The following COLEC12 variants were observed in gnomAD, a reference collection of about 807,000 sequenced individuals.
The protein encoded by COLEC12 is collectin subfamily member 12.
Under a neutral mutation model 71.1 loss-of-function variants are expected in COLEC12, and 33 were observed. That is an observed-to-expected ratio of 0.46 (90% CI 0.35 to 0.62). The LOEUF is 0.62. Ranked by LOEUF, COLEC12 falls within the 20% of genes least tolerant of loss-of-function variation. The pLI, the probability that COLEC12 is intolerant of heterozygous loss-of-function variation, is 0.00. For synonymous variants in COLEC12, 350 were observed against 353.0 expected (o/e 0.99, Z 0.10); for missense variants, 765 against 916.1 (o/e 0.84, Z 2.13).
chr18:357,431 T>C lies in COLEC12; in HGVS notation c.150A>G (p.Leu50=), dbSNP rs1417669021. Residue 50 remains leucine (L), a synonymous_variant, in exon 3 of 10, where the codon CTA becomes CTG. Coordinates refer to ENST00000400256, the MANE Select transcript of COLEC12 (RefSeq NM_130386.3). ...ATCCCAAAATGGCTACTGTGATTGT[T>C]AGCAAGGCACACAAAATGTATAATA... The part of the protein sequence containing the change: ...IILLYILCAL[L]TITVAILGYK... The C allele has an allele frequency of 7.5e-6, 12 of 1,603,378 alleles. No individual in the cohort carries two copies. Among genetic ancestry groups the C allele is most frequent in the Non-Finnish European group, 9.3e-6 (11 of 1,176,722 alleles).
At chr18:377,245 G>A (rs183817983) in intron 2 of COLEC12, among the ~76,000 whole-genome samples, 14 of 152,216 alleles carry the variant, frequency 9.2e-5, no homozygotes, top group Non-Finnish European at 1.5e-4. Flanking sequence ...CTCAGCAAGC[G>A]GCTGAAACCA....
chr18:395,431 TGA>T, intron 2 of COLEC12, among the ~76,000 whole-genome samples: 1 of 152,330 alleles, frequency 6.6e-6, no homozygotes, highest in East Asian at 1.9e-4. Flanking sequence ...GACAGGCTCT[TGA>T]GAGAGTGTAC....
At chr18:356,219 A>G (rs368265956) in intron 3 of COLEC12, among the ~76,000 whole-genome samples, 3 of 152,264 alleles carry the variant, frequency 2.0e-5, no homozygotes, top group Admixed American at 6.5e-5. Flanking sequence ...CAATTACATC[A>G]TCTTTGCTCA....
chr18:460,185 C>T (rs1003518197), intron 2 of COLEC12, among the ~76,000 whole-genome samples: 5 of 152,180 alleles, frequency 3.3e-5, no homozygotes, highest in Non-Finnish European at 7.3e-5. Context: ...CCCCTGCTGT[C>T]GGCCAAGAAT....
At chr18:330,873 GT>G (rs60146586) in intron 8 of COLEC12, among the ~76,000 whole-genome samples, 80 of 133,758 alleles carry the variant, frequency 6.0e-4, no homozygotes, top group African/African-American at 1.9e-3. Flanking sequence ...CACATTTGTA[GT>G]TTTTTTTTTT....
At chr18:422,329 C>T (rs562411457) in intron 2 of COLEC12, among the ~76,000 whole-genome samples, 9 of 152,338 alleles carry the variant, frequency 5.9e-5, no homozygotes, top group African/African-American at 2.2e-4. Context: ...CCAGACCATG[C>T]TCTCTTTCCT....
chr18:467,586 C>A (rs1222202524), intron 2 of COLEC12, among the ~76,000 whole-genome samples: 1 of 152,224 alleles, frequency 6.6e-6, no homozygotes, highest in Non-Finnish European at 1.5e-5. Flanking sequence ...AAACTGCCAA[C>A]TGTCTTCAGA....
rs542482478 is a variant in COLEC12 at position 359,578 on chromosome 18, G to A, written c.59-2056C>T. ...TTTGAAAAACATTCTTGTCTGAGTG[G>A]TCAACCAGCATCAATGCTGCAAGTG... On this transcript the variant is annotated intron_variant, in intron 2 of 9. Coordinates refer to ENST00000400256, the MANE Select transcript of COLEC12 (RefSeq NM_130386.3). Among the ~76,000 whole-genome samples the A allele has an allele frequency of 1.1e-3, 173 of 152,282 alleles. No homozygotes were observed. In the Middle Eastern group the frequency reaches 0.017, roughly 15 times the overall value.
chr18:387,779 T>C (rs571160696), intron 2 of COLEC12, among the ~76,000 whole-genome samples: 1 of 152,338 alleles, frequency 6.6e-6, no homozygotes, highest in African/African-American at 2.4e-5. Flanking sequence ...AATCACTGTA[T>C]AACCCAGTGT....
At chr18:393,404 C>T (rs964090871) in intron 2 of COLEC12, among the ~76,000 whole-genome samples, 2 of 93,736 alleles carry the variant, frequency 2.1e-5, no homozygotes, top group Admixed American at 1.0e-4. Flanking sequence ...CTAGGGAGCT[C>T]GGAGGCACAG....
chr18:417,035 C>T (rs1916000187), intron 2 of COLEC12, among the ~76,000 whole-genome samples: 1 of 106,554 alleles, frequency 9.4e-6, no homozygotes, highest in South Asian at 4.0e-4. Flanking sequence ...CACACACATG[C>T]ACCCAGACAC....
At position 346,410 on chromosome 18, in the gene COLEC12, A is replaced by T. The variant is rs1450169907; in HGVS notation, c.1212T>A (p.Asp404Glu). ...LDSVSLRMQQ[D>E]LMRSRLDTEV... ...CAGTGTCTAACCTCGACCTCATCAA[A>T]TCTTGTTGCATCCTGAGAGAAACAG... Residue 404 changes from aspartate (D) to glutamate (E), a missense_variant, in exon 5 of 10, where the codon GAT (aspartate) becomes GAA (glutamate). Transcript: ENST00000400256. This position sits in a 1 kb window ranked among gnomAD's most constrained non-coding sequence, Gnocchi z 4.0. 6.2e-7 allele frequency: 1 copy of T among 1,614,034 alleles called. No homozygotes were observed. The highest frequency in any genetic ancestry group is 1.3e-5 in the African/African-American group (1 of 74,928).
rs1914153967 is a variant in COLEC12 at position 337,838 on chromosome 18, C to A, written c.1328-2608G>T. ...TCTCCTTCCATCATCCCTTCTCCCA[C>A]CACATTGCCACAACCCTCTTTTCCT... On this transcript the variant is annotated intron_variant, in intron 5 of 9. Transcript: ENST00000400256. Among the ~76,000 whole-genome samples the A allele has an allele frequency of 2.0e-5, 3 of 152,222 alleles. 1 individual carries two copies. Among genetic ancestry groups the A allele is most frequent in the Admixed American group, 2.0e-4 (3 of 15,288 alleles).
Position 490,458 on chromosome 18 carries a change from G to A in COLEC12, c.8-9701C>T, listed in dbSNP as rs1917600207. On this transcript the variant is annotated intron_variant, in intron 1 of 9. Coordinates refer to ENST00000400256, the MANE Select transcript of COLEC12 (RefSeq NM_130386.3). ...AAGTTATCAAGAGGTTACCTCTGGG[G>A]AATGGAAAATGAAATGAAGGTGGCC... Among the ~76,000 whole-genome samples, 4 of 152,228 alleles carry A rather than the reference G, an allele frequency of 2.6e-5. No homozygotes were observed. In the South Asian group the frequency reaches 8.3e-4, roughly 31 times the overall value.
intron 2 of COLEC12, among the ~76,000 whole-genome samples, chr18:473,685 C>T (rs1021724252): frequency 6.6e-6 from 1 of 152,194 alleles, no homozygotes; most frequent in South Asian, 2.1e-4. Flanking sequence ...TTTTAAGAAA[C>T]GTTTCAGAGT....
At chr18:436,712 G>A (rs189009705) in intron 2 of COLEC12, among the ~76,000 whole-genome samples, 171 of 151,910 alleles carry the variant, frequency 1.1e-3, no homozygotes, top group African/African-American at 3.8e-3. Context: ...GACATCACAA[G>A]GGGGTGCATG....
At chr18:321,524 T>C (rs1913704291) in intron 9 of COLEC12, 138 bp downstream of exon 9, 1 of 844,154 alleles carries the variant, frequency 1.2e-6, no homozygotes, top group East Asian at 2.5e-5. Flanking sequence ...GTTAATCACC[T>C]GCCCAGTTAA....
intron 5 of COLEC12, among the ~76,000 whole-genome samples, chr18:343,737 T>C (rs895088847): frequency 6.6e-6 from 1 of 152,120 alleles, no homozygotes; most frequent in Non-Finnish European, 1.5e-5. Flanking sequence ...CGGATTCCAC[T>C]GAGCTACTTT....
At chr18:401,860 T>C (rs2143616154) in intron 2 of COLEC12, among the ~76,000 whole-genome samples, 1 of 152,224 alleles carries the variant, frequency 6.6e-6, no homozygotes, top group South Asian at 2.1e-4. Flanking sequence ...CCACGCTACA[T>C]GATGATCTGA....
Sources: gnomAD v4.1 joint callset for allele counts (sites outside exome capture counted in the v4.1 genomes callset) on GRCh38, gnomAD v4.1.1 for gene constraint, Gnocchi (gnomAD v3.1) non-coding constraint, MANE v1.5 for transcripts, NCBI Gene and HGNC (gene_info 2026-07-23, HGNC 2026-07-21) for gene names.